PUF60: variants seen among roughly 807,000 people sequenced by gnomAD.
The protein encoded by PUF60 is poly(U) binding splicing factor 60, also known as poly(U)-binding-splicing factor PUF60.
A neutral mutation model predicts 61.8 loss-of-function variants in PUF60; 10 were observed. The observed-to-expected ratio is 0.16, with a 90% CI of 0.10 to 0.27. The LOEUF (loss-of-function observed/expected upper bound fraction) is 0.27. Ranked by LOEUF, PUF60 falls within the 10% of genes least tolerant of loss-of-function variation. The pLI is 1.00. For missense variants in PUF60, 371 were observed against 754.0 expected (o/e 0.49, Z 5.95); for synonymous variants, 353 against 300.9 (o/e 1.17, Z -1.79).
Position 143,818,568 on chromosome 8 carries a change from T to C in PUF60, c.349-34A>G, listed in dbSNP as rs762700045. On this transcript the variant is annotated intron_variant, in intron 5 of 11. Coordinates refer to ENST00000526683, the MANE Select transcript of PUF60 (RefSeq NM_078480.3). This position sits in a 1 kb window ranked among gnomAD's most constrained non-coding sequence, Gnocchi z 7.9. ...GGACAGAGGGGAGAGAACCGCTGGC[T>C]CGTCAGGGGCGGCAGGAAGCTGGGC... The C allele has an allele frequency of 6.5e-7, 1 of 1,539,146 alleles. No homozygotes were observed. Among genetic ancestry groups the C allele is most frequent in the Non-Finnish European group, 8.8e-7 (1 of 1,139,690 alleles).
chr8:143,822,994 C>A (rs1817198095), intron 2 of PUF60: 2 of 169,340 alleles, frequency 1.2e-5, no homozygotes, highest in African/African-American at 2.4e-5. Context: ...CTGGCCCAAG[C>A]CCCAAGAACC....
At chr8:143,828,899 G>T in intron 1 of PUF60, 4 of 983,142 alleles carry the variant, frequency 4.1e-6, no homozygotes, top group Non-Finnish European at 4.8e-6. Context: ...AGGCCCACGC[G>T]TCACCCCCAG....
rs1586556229 is a variant in PUF60, at chr8:143,816,694, T to C, written c.1506A>G (p.Lys502=). Residue 502 remains lysine, a synonymous_variant, in exon 12 of 12, where the codon AAA becomes AAG. Transcript: ENST00000526683. ...TTTCTGCATCCTCCTCCTCGCCTTG[T>C]TTCTCTTGGTAGATGATGACGCGGT... ...AVNRVIIYQE[K]QGEEEDAEII... 1 of 1,613,878 alleles carries C rather than the reference T, an allele frequency of 6.2e-7. No homozygotes were observed. The highest frequency in any genetic ancestry group is 2.2e-5 in the East Asian group (1 of 44,888).
At chr8:143,826,307 T>C (rs1287177264) in intron 1 of PUF60, among the ~76,000 whole-genome samples, 1 of 152,184 alleles carries the variant, frequency 6.6e-6, no homozygotes. Flanking sequence ...ATGTAGGGGC[T>C]GGGCGTGGTG....
intron 11 of PUF60, 41 bp from the exon 12 acceptor site, chr8:143,816,860 G>GCCCCCCCCCCCCCC: frequency 6.3e-7 from 1 of 1,595,262 alleles, no homozygotes; most frequent in Non-Finnish European, 8.5e-7. Flanking sequence ...GAGCACTGCG[G>GCCCCCCCCCCCCCC]CCCCGCCCCC....
At chr8:143,821,571 C>A in intron 4 of PUF60, 26 bp downstream of exon 4, 5 of 1,527,802 alleles carry the variant, frequency 3.3e-6, no homozygotes, top group Non-Finnish European at 4.4e-6. Context: ...GTGGGGAGGG[C>A]GGTAGAGGCT....
At position 143,818,502 on chromosome 8, in the gene PUF60, G is replaced by T; in HGVS notation, c.381C>A (p.Ile127=). 1.2e-6 allele frequency: 2 copies of T among 1,604,710 alleles called. No homozygotes were observed. The highest frequency in any genetic ancestry group is 1.7e-4 in the Middle Eastern group (1 of 6,052). The change falls in exon 6 of 12, where the codon ATC becomes ATA. Residue 127 remains isoleucine, a synonymous_variant. Transcript: ENST00000526683. The surrounding 1 kb of genome is among the most constrained non-coding windows in gnomAD (Gnocchi z 7.9). ...TAGAGCCCACGTAGACGCGGCACATGATGGCCAGCGCCCGCTGCCGCTGAG... is the reference window on the plus strand; with the variant it reads ...TAGAGCCCACGTAGACGCGGCACATTATGGCCAGCGCCCGCTGCCGCTGAG... ...MAAQRQRALA[I]MCRVYVGSIY...
intron 4 of PUF60, among the ~76,000 whole-genome samples, chr8:143,820,934 AAGGAAGGGAGGG>A (rs1007065711): frequency 1.2e-4 from 19 of 152,020 alleles, no homozygotes; most frequent in Admixed American, 8.5e-4. Flanking sequence ...CTGGGGCAGA[AAGGAAGGGAGGG>A]AGGAAGGGAG....
rs569131986 is a variant in PUF60, at chr8:143,824,246, A to G, written c.111+67T>C. Reference sequence around the variant, plus strand: ...CAGCCCTCTCTGGGCCCAGGGACGCACAGGCAGGCGGGCGGGCGGGCGGGC... The same window carrying G: ...CAGCCCTCTCTGGGCCCAGGGACGCGCAGGCAGGCGGGCGGGCGGGCGGGC... On this transcript the variant is annotated intron_variant, in intron 2 of 11. Coordinates refer to ENST00000526683, the MANE Select transcript of PUF60 (RefSeq NM_078480.3). 104 of 1,470,572 alleles carry G rather than the reference A, an allele frequency of 7.1e-5. No individual in the cohort carries two copies. In the Admixed American group the frequency reaches 1.7e-3, roughly 24 times the overall value. 91.1% of individuals were successfully genotyped at this position (1,470,572 alleles called of 1,614,324 possible). A position where few individuals can be genotyped will look rare whatever the true frequency, so the allele number is the denominator to read the frequency against.
In PUF60 at chr8:143,818,543, G is replaced by T; in HGVS notation, c.349-9C>A. 1.3e-6 allele frequency: 2 copies of T among 1,576,332 alleles called. No homozygotes were observed. The highest frequency in any genetic ancestry group is 1.2e-5 in the South Asian group (1 of 86,704). ...TGCCGCTGAGCCGCCATCTGCAGCA[G>T]GACAGAGGGGAGAGAACCGCTGGCT... On this transcript the variant is annotated splice_polypyrimidine_tract_variant and intron_variant, in intron 5 of 11. Coordinates refer to ENST00000526683, the MANE Select transcript of PUF60 (RefSeq NM_078480.3). This position sits in a 1 kb window ranked among gnomAD's most constrained non-coding sequence, Gnocchi z 7.9.
intron 5 of PUF60, among the ~76,000 whole-genome samples, chr8:143,819,762 G>A (rs1379829677): frequency 6.6e-6 from 1 of 151,812 alleles, no homozygotes; most frequent in African/African-American, 2.4e-5. Flanking sequence ...AGGCTCCCCA[G>A]ACACGAGACC....
At chr8:143,827,525 C>A (rs1192315448) in intron 1 of PUF60, 2 of 450,184 alleles carry the variant, frequency 4.4e-6, no homozygotes, top group Non-Finnish European at 9.0e-6. Context: ...TCCATTCAAC[C>A]TCCCATGAGA....
Position 143,817,225 on chromosome 8 carries a change from G to C in PUF60, c.1145-80C>G. The C allele has an allele frequency of 6.6e-7, 1 of 1,520,006 alleles. No homozygotes were observed. The highest frequency in any genetic ancestry group is 8.8e-7 in the Non-Finnish European group (1 of 1,133,132). 94.2% of individuals were successfully genotyped at this position (1,520,006 alleles called of 1,614,324 possible). A position where few individuals can be genotyped will look rare whatever the true frequency, so the allele number is the denominator to read the frequency against. On this transcript the variant is annotated intron_variant, in intron 10 of 11. Transcript: ENST00000526683. This position sits in a 1 kb window ranked among gnomAD's most constrained non-coding sequence, Gnocchi z 7.4. ...AAAGGCACAGAGCTGGCCTGCCCTGGGCTCAGAGGGTTGTGCCCAGACCAC... is the reference window on the plus strand; with the variant it reads ...AAAGGCACAGAGCTGGCCTGCCCTGCGCTCAGAGGGTTGTGCCCAGACCAC...
intron 1 of PUF60, among the ~76,000 whole-genome samples, chr8:143,828,176 C>T (rs1232450776): frequency 5.3e-5 from 8 of 152,248 alleles, no homozygotes; most frequent in Admixed American, 5.2e-4. Flanking sequence ...CCTCTCTCCC[C>T]CTAGTAACTG....
chr8:143,821,897 T>C lies in PUF60; in HGVS notation c.128A>G (p.Lys43Arg). The change falls in exon 3 of 12, where the codon AAG (lysine) becomes AGG (arginine). Residue 43 changes from lysine (K) to arginine (R), a missense_variant. By Grantham distance (26) the Lys-to-Arg change is conservative (BLOSUM62 2). This residue lies in a region of PUF60 where 69 missense variants were observed against 64.7 expected (regional missense o/e 1.07). Transcript: ENST00000526683. ...WKPPQGTDSI[K>R]MENGQSTAAK... ...GGCTGTGCTCTGCCCGTTCTCCATC[T>C]TGATGGAGTCTGTGCCCTGGTAAGG... is the stretch of plus-strand genomic sequence containing the variant. 1 of 1,605,356 alleles carries C rather than the reference T, an allele frequency of 6.2e-7. No individual in the cohort carries two copies. The highest frequency in any genetic ancestry group is 8.5e-7 in the Non-Finnish European group (1 of 1,177,308).
chr8:143,829,218 T>C, intron 1 of PUF60, 62 bp downstream of exon 1: 2 of 1,235,612 alleles, frequency 1.6e-6, no homozygotes, highest in South Asian at 3.7e-5. Context: ...GCGCCCAGGC[T>C]GGGTCGACGA....
intron 1 of PUF60, chr8:143,827,603 A>G (rs1817777642): frequency 2.7e-6 from 1 of 367,464 alleles, no homozygotes; most frequent in Non-Finnish European, 5.4e-6. Flanking sequence ...GGGAACAGAT[A>G]ACCCTTCTAG....
chr8:143,822,400 T>A, intron 2 of PUF60: 1 of 420,396 alleles, frequency 2.4e-6, no homozygotes, highest in Non-Finnish European at 4.9e-6. Flanking sequence ...TTCCCTGGAG[T>A]TTCAAGGGGC....
chr8:143,826,825 G>C (rs74497687), intron 1 of PUF60, among the ~76,000 whole-genome samples: 137 of 152,312 alleles, frequency 9.0e-4, no homozygotes, highest in African/African-American at 2.8e-3. Context: ...GTCTCCTAGG[G>C]CTACTGTGAA....
Sources: gnomAD v4.1 joint callset for allele counts (sites outside exome capture counted in the v4.1 genomes callset) on GRCh38, gnomAD v4.1.1 for gene constraint, gnomAD v4.1.1 regional missense constraint, Gnocchi (gnomAD v3.1) non-coding constraint, MANE v1.5 for transcripts, NCBI Gene and HGNC (gene_info 2026-07-23, HGNC 2026-07-21) for gene names.